The following SMARCAL1 variants were observed in gnomAD, a reference collection of about 807,000 sequenced individuals.
The protein encoded by SMARCAL1 is ATP-driven annealing helicase.
Under a neutral mutation model 94.5 loss-of-function variants are expected in SMARCAL1, and 58 were observed. The ratio of observed to expected loss-of-function variants is 0.61; its 90% confidence interval spans 0.50 to 0.76. The LOEUF (loss-of-function observed/expected upper bound fraction) is 0.76. SMARCAL1 is among the 30% of genes least tolerant of loss of function. The pLI is 0.00. For synonymous variants in SMARCAL1, 422 were observed against 455.1 expected, an observed-to-expected ratio of 0.93 and a Z score of 0.93; for missense variants, 1,051 against 1,177.9, an observed-to-expected ratio of 0.89 and a Z score of 1.58.
chr2:216,438,209 G>A (rs1045158964), intron 9 of SMARCAL1, among the ~76,000 whole-genome samples: 2 of 152,226 alleles, frequency 1.3e-5, no homozygotes, highest in Admixed American at 6.5e-5. Flanking sequence ...TGTCCCCAGA[G>A]AGCTGAAGCA....
At chr2:216,464,769 A>G in intron 13 of SMARCAL1, 102 bp downstream of exon 13, 3 of 847,028 alleles carry the variant, frequency 3.5e-6, no homozygotes, top group Non-Finnish European at 4.0e-6. Flanking sequence ...TGCGTCTAAG[A>G]AATGACCAGA....
chr2:216,461,592 C>T (rs1403690382), intron 12 of SMARCAL1, among the ~76,000 whole-genome samples: 1 of 152,028 alleles, frequency 6.6e-6, no homozygotes, highest in Non-Finnish European at 1.5e-5. Flanking sequence ...TTTTGGGAGG[C>T]CAAGGCAGGA....
chr2:216,461,451 G>C (rs1349598125), intron 12 of SMARCAL1, among the ~76,000 whole-genome samples: 9 of 151,884 alleles, frequency 5.9e-5, no homozygotes, highest in Non-Finnish European at 1.2e-4. Context: ...AGCAGAACTG[G>C]GATCATACAA....
Position 216,482,605 on chromosome 2 carries a change from A to G in SMARCAL1, c.2626-133A>G. 2.3e-6 allele frequency: 3 copies of G among 1,277,916 alleles called. No individual in the cohort carries two copies. Among genetic ancestry groups the G allele is most frequent in the Non-Finnish European group, 1.1e-6 (1 of 884,722 alleles). The allele number at this position is 1,277,916 out of a possible 1,614,324, so 79.2% of individuals were successfully genotyped here. A position where few individuals can be genotyped will look rare whatever the true frequency, so the allele number is the denominator to read the frequency against. On this transcript the variant is annotated intron_variant, in intron 17 of 17. Coordinates refer to ENST00000357276, the MANE Select transcript of SMARCAL1 (RefSeq NM_014140.4). The surrounding 1 kb of genome is among the most constrained non-coding windows in gnomAD (Gnocchi z 4.3). The stretch of plus-strand genomic sequence containing the variant: ...TTTGCTGAGATGATGCACACTTGCC[A>G]TCGTGTAGCTCCCTGACACCATGAA...
intron 9 of SMARCAL1, 49 bp downstream of exon 9, chr2:216,435,545 T>G (rs183060310): frequency 6.5e-7 from 1 of 1,539,992 alleles, no homozygotes; most frequent in African/African-American, 1.4e-5. Context: ...CTGGAAACTT[T>G]CTTTGTAAAA....
In SMARCAL1 at chr2:216,451,015, G is replaced by A. The variant is rs1274712031; in HGVS notation, c.2021G>A (p.Arg674Lys). The change falls in exon 12 of 18, where the codon AGA (arginine) becomes AAA (lysine). Residue 674 changes from arginine (R) to lysine (K), a missense_variant. Physicochemically the swap from Arg to Lys is conservative, Grantham distance 26. Around this residue, in one of 3 missense-constraint regions of SMARCAL1, gnomAD observed 642 missense variants for 754.7 expected, o/e 0.85. Transcript: ENST00000357276. ...CCAGGACGGATCAATGCCAGGACCAGAGCTGCCCTGGATGCTGCAGCCAAG... is the reference window on the plus strand; with the variant it reads ...CCAGGACGGATCAATGCCAGGACCAAAGCTGCCCTGGATGCTGCAGCCAAG... Reference protein sequence around the residue: ...IAPGRINARTRAALDAAAKEM... With the variant: ...IAPGRINARTKAALDAAAKEM... The A allele has an allele frequency of 3.1e-6, 5 of 1,614,194 alleles. No individual in the cohort carries two copies. The South Asian group carries it at 5.5e-5, about 18-fold the overall frequency.
chr2:216,413,253 A>G (rs1693506007), intron 1 of SMARCAL1, among the ~76,000 whole-genome samples: 1 of 152,126 alleles, frequency 6.6e-6, no homozygotes, highest in Admixed American at 6.5e-5. Flanking sequence ...CTACTGGAGT[A>G]CCCCTACATC....
At chr2:216,440,314 C>T (rs3770479) in intron 10 of SMARCAL1, among the ~76,000 whole-genome samples, 108,739 of 152,052 alleles carry the variant, frequency 0.72, 39,305 homozygotes, top group African/African-American at 0.83. Flanking sequence ...ATTAAAGATA[C>T]AATGTGAAAG....
chr2:216,467,444 C>T (rs1324195492), intron 13 of SMARCAL1, among the ~76,000 whole-genome samples: 3 of 139,300 alleles, frequency 2.2e-5, no homozygotes, highest in East Asian at 4.1e-4. Flanking sequence ...GCACTCCAGC[C>T]TGGGCGACAG....
intron 11 of SMARCAL1, among the ~76,000 whole-genome samples, chr2:216,449,683 A>G (rs1694400900): frequency 6.6e-6 from 1 of 151,978 alleles, no homozygotes; most frequent in Non-Finnish European, 1.5e-5. Flanking sequence ...CCTAGCCCCT[A>G]CCCTCAGGTA....
chr2:216,415,407 A>G lies in SMARCAL1; in HGVS notation c.703A>G (p.Asn235Asp). The G allele has an allele frequency of 6.2e-7, 1 of 1,614,252 alleles. No individual in the cohort carries two copies. Among genetic ancestry groups the G allele is most frequent in the Non-Finnish European group, 8.5e-7 (1 of 1,180,040 alleles). The change falls in exon 3 of 18, where the codon AAC becomes GAC. Residue 235 changes from asparagine (N) to aspartate (D), a missense_variant. Transcript: ENST00000357276. ...KSGSSVQKGV[N>D]SQKGKCVRNG... Reference sequence around the variant, plus strand: ...AGGGTCCTCAGTCCAAAAAGGAGTGAACTCTCAGAAGGGAAAGTGCGTAAG... The same window carrying G: ...AGGGTCCTCAGTCCAAAAAGGAGTGGACTCTCAGAAGGGAAAGTGCGTAAG...
intron 11 of SMARCAL1, among the ~76,000 whole-genome samples, chr2:216,448,136 A>G (rs1694359667): frequency 6.6e-6 from 1 of 152,240 alleles, no homozygotes; most frequent in African/African-American, 2.4e-5. Flanking sequence ...TTAATTGCAA[A>G]CCATTTTTAG....
intron 14 of SMARCAL1, among the ~76,000 whole-genome samples, chr2:216,472,717 C>T (rs1282238317): frequency 2.0e-5 from 3 of 150,068 alleles, no homozygotes; most frequent in African/African-American, 7.3e-5. Flanking sequence ...AGAAATGACA[C>T]CAGTAGCCAA....
chr2:216,456,590 A>C (rs922924271), intron 12 of SMARCAL1, among the ~76,000 whole-genome samples: 1 of 152,060 alleles, frequency 6.6e-6, no homozygotes, highest in Non-Finnish European at 1.5e-5. Context: ...TATCCAGCCA[A>C]ACTAAGCTTC....
At chr2:216,421,280 A>C (rs1425287253) in intron 5 of SMARCAL1, among the ~76,000 whole-genome samples, 1 of 152,060 alleles carries the variant, frequency 6.6e-6, no homozygotes, top group Non-Finnish European at 1.5e-5. Flanking sequence ...TGGCCACAAC[A>C]GAATAGTTTT....
Position 216,428,587 on chromosome 2 carries a change from T to G in SMARCAL1, c.1148-9T>G, listed in dbSNP as rs1559125175. 1 of 1,613,242 alleles carries G rather than the reference T, an allele frequency of 6.2e-7. No individual in the cohort carries two copies. The highest frequency in any genetic ancestry group is 2.2e-5 in the East Asian group (1 of 44,888). Reference sequence around the variant, plus strand: ...ACTCCAGCTCATATGCTTCTGTTCTTCTTTTCAGTTGCAAAGGTGCGCTGC... The same window carrying G: ...ACTCCAGCTCATATGCTTCTGTTCTGCTTTTCAGTTGCAAAGGTGCGCTGC... On this transcript the variant is annotated splice_polypyrimidine_tract_variant and intron_variant, in intron 6 of 17. Transcript: ENST00000357276.
At chr2:216,430,055 C>T (rs1693931283) in intron 7 of SMARCAL1, among the ~76,000 whole-genome samples, 1 of 152,202 alleles carries the variant, frequency 6.6e-6, no homozygotes, top group Admixed American at 6.5e-5. Context: ...CTTCGTGGCA[C>T]TGTTAGCCAT....
intron 4 of SMARCAL1, among the ~76,000 whole-genome samples, chr2:216,416,734 ACAGGCAGCT>A (rs1344301359): frequency 1.3e-5 from 2 of 152,198 alleles, no homozygotes; most frequent in Admixed American, 1.3e-4. Context: ...CCCAGCAGTG[ACAGGCAGCT>A]CAGGCAGCCT....
rs989821095 is a variant in SMARCAL1, at chr2:216,475,942, G to T, written c.2427+491G>T. 6.6e-6 allele frequency among the ~76,000 whole-genome samples: 1 copy of T among 151,834 alleles called. No individual in the cohort carries two copies. Among genetic ancestry groups the T allele is most frequent in the Non-Finnish European group, 1.5e-5 (1 of 67,966 alleles). On this transcript the variant is annotated intron_variant, in intron 15 of 17. Coordinates refer to ENST00000357276, the MANE Select transcript of SMARCAL1 (RefSeq NM_014140.4). The surrounding 1 kb of genome is among the most constrained non-coding windows in gnomAD (Gnocchi z 4.4). ...TCAAGGGGTGAGGCAGGACTGCACTGCCATAACTGAAGAGGGCACTTGGTG... is the reference window on the plus strand; with the variant it reads ...TCAAGGGGTGAGGCAGGACTGCACTTCCATAACTGAAGAGGGCACTTGGTG...
Sources: gnomAD v4.1 joint callset for allele counts (sites outside exome capture counted in the v4.1 genomes callset) on GRCh38, gnomAD v4.1.1 for gene constraint, gnomAD v4.1.1 regional missense constraint, Gnocchi (gnomAD v3.1) non-coding constraint, MANE v1.5 for transcripts, NCBI Gene and HGNC (gene_info 2026-07-23, HGNC 2026-07-21) for gene names.